DOCK2: variants seen among roughly 807,000 people sequenced by gnomAD.
The protein encoded by DOCK2 is dedicator of cytokinesis 2.
DOCK2 carries 87 observed loss-of-function variants against 248.9 expected under a neutral mutation model. The observed-to-expected ratio is 0.35, with a 90% CI of 0.29 to 0.42. The LOEUF (loss-of-function observed/expected upper bound fraction) is 0.42, where lower values mean the gene tolerates loss of function less well. Ranked by LOEUF, DOCK2 falls within the 10% of genes least tolerant of loss-of-function variation. The pLI is 1.00. For synonymous variants in DOCK2, 805 were observed against 821.6 expected (o/e 0.98, Z 0.35); for missense variants, 1,747 against 2,300.2 (o/e 0.76, Z 4.92).
chr5:169,971,972 GC>G (rs1346566060), intron 27 of DOCK2, among the ~76,000 whole-genome samples: 1 of 152,150 alleles, frequency 6.6e-6, no homozygotes, highest in Admixed American at 6.5e-5. Flanking sequence ...CCCTGCCCTT[GC>G]CCATGGCAGA....
At chr5:169,925,822 G>A (rs7713753) in intron 27 of DOCK2, among the ~76,000 whole-genome samples, 9,752 of 152,054 alleles carry the variant, frequency 0.064, 821 homozygotes, top group East Asian at 0.19. Context: ...ATCTATTGCT[G>A]CTATTATCAC....
At chr5:169,735,118 G>A (rs145105103) in intron 22 of DOCK2, among the ~76,000 whole-genome samples, 1 of 152,306 alleles carries the variant, frequency 6.6e-6, no homozygotes, top group East Asian at 1.9e-4. Flanking sequence ...TACAGTCAGA[G>A]TGATCTTTCC....
intron 27 of DOCK2, among the ~76,000 whole-genome samples, chr5:169,857,682 G>A: frequency 6.6e-6 from 1 of 151,272 alleles, no homozygotes; most frequent in Non-Finnish European, 1.5e-5. Context: ...TATTCCTCAG[G>A]GACTTAAGTC....
intron 43 of DOCK2, 168 bp from the exon 44 acceptor site, chr5:170,057,412 A>C: frequency 1.5e-6 from 1 of 679,228 alleles, no homozygotes. Flanking sequence ...AAGAATTCTT[A>C]AGGGTAAGGT....
intron 27 of DOCK2, among the ~76,000 whole-genome samples, chr5:169,967,208 T>TGA (rs1263137418): frequency 6.6e-6 from 1 of 152,178 alleles, no homozygotes; most frequent in African/African-American, 2.4e-5. Context: ...CACAGGGACA[T>TGA]GAGAACTCAG....
intron 27 of DOCK2, among the ~76,000 whole-genome samples, chr5:169,873,107 T>C (rs1420028374): frequency 6.6e-6 from 1 of 152,358 alleles, no homozygotes; most frequent in African/African-American, 2.4e-5. Flanking sequence ...ATTTATGGCA[T>C]GTGTCAGCCT....
At chr5:169,988,487 GTAT>G (rs539416783) in intron 29 of DOCK2, among the ~76,000 whole-genome samples, 26 of 151,622 alleles carry the variant, frequency 1.7e-4, no homozygotes, top group Admixed American at 1.3e-3. Flanking sequence ...CTTAATCTCT[GTAT>G]TATTATTATT....
chr5:169,850,225 G>A (rs1303359258), intron 27 of DOCK2, among the ~76,000 whole-genome samples: 2 of 152,148 alleles, frequency 1.3e-5, no homozygotes, highest in African/African-American at 2.4e-5. Flanking sequence ...AGTGAGGTTG[G>A]CAATAATTAC....
chr5:169,732,155 T>A (rs1762815308), intron 22 of DOCK2, among the ~76,000 whole-genome samples: 1 of 152,110 alleles, frequency 6.6e-6, no homozygotes, highest in South Asian at 2.1e-4. Flanking sequence ...ATTTTGTGAA[T>A]AAGCCACAGG....
chr5:169,942,508 G>C (rs1422419614), intron 27 of DOCK2, among the ~76,000 whole-genome samples: 2 of 152,174 alleles, frequency 1.3e-5, no homozygotes, highest in Non-Finnish European at 2.9e-5. Context: ...TCATAAATTT[G>C]AACTCATTTG....
At chr5:169,937,193 A>C (rs1272529969) in intron 27 of DOCK2, among the ~76,000 whole-genome samples, 2 of 152,216 alleles carry the variant, frequency 1.3e-5, no homozygotes, top group Non-Finnish European at 2.9e-5. Flanking sequence ...TCAAACCACC[A>C]TCAAAAATTT....
intron 32 of DOCK2, among the ~76,000 whole-genome samples, chr5:170,016,334 CAAGT>C (rs1394556560): frequency 3.9e-5 from 6 of 152,152 alleles, no homozygotes; most frequent in Non-Finnish European, 5.9e-5. Context: ...CTTTTTTTCC[CAAGT>C]GAGTTTGTAT....
intron 22 of DOCK2, among the ~76,000 whole-genome samples, chr5:169,726,883 T>G (rs931432245): frequency 6.6e-6 from 1 of 152,132 alleles, no homozygotes; most frequent in Non-Finnish European, 1.5e-5. Context: ...TCAGTAATTC[T>G]TCTCAGAGGA....
intron 25 of DOCK2, among the ~76,000 whole-genome samples, chr5:169,789,502 G>A (rs756646369): frequency 5.4e-4 from 82 of 152,150 alleles, no homozygotes; most frequent in Non-Finnish European, 1.1e-3. Context: ...CAAAGGTAAG[G>A]AGCATATGTT....
intron 33 of DOCK2, among the ~76,000 whole-genome samples, chr5:170,026,975 T>A (rs534170222): frequency 6.6e-6 from 1 of 152,238 alleles, no homozygotes; most frequent in African/African-American, 2.4e-5. Context: ...GATGAGCTCA[T>A]ATGAATGGGA....
chr5:169,789,282 T>A (rs772612070), intron 25 of DOCK2, among the ~76,000 whole-genome samples: 115 of 152,378 alleles, frequency 7.5e-4, no homozygotes, highest in Non-Finnish European at 1.5e-3. Context: ...TAATTCCATG[T>A]CTTTGCAATT....
intron 25 of DOCK2, 74 bp from the exon 26 acceptor site, chr5:169,802,984 T>C: frequency 6.6e-7 from 1 of 1,506,880 alleles, no homozygotes; most frequent in South Asian, 1.3e-5. Flanking sequence ...TAATGAAACA[T>C]TGTATGCATA....
At chr5:169,964,374 T>C (rs935250304) in intron 27 of DOCK2, among the ~76,000 whole-genome samples, 3 of 152,168 alleles carry the variant, frequency 2.0e-5, no homozygotes, top group African/African-American at 7.2e-5. Context: ...TGGCCTGTCA[T>C]TGGGAAGACT....
chr5:169,849,879 A>G (rs367942848), intron 27 of DOCK2, among the ~76,000 whole-genome samples: 3 of 152,206 alleles, frequency 2.0e-5, no homozygotes, highest in Non-Finnish European at 4.4e-5. Context: ...TCTAGCCACA[A>G]CCACCTCTTA....
Sources: allele counts gnomAD v4.1 joint callset (sites outside exome capture counted in the v4.1 genomes callset), GRCh38; gene constraint gnomAD v4.1.1; transcripts MANE v1.5; gene names NCBI Gene and HGNC (gene_info 2026-07-23, HGNC 2026-07-21).